TRIM9: variants seen among roughly 807,000 people sequenced by gnomAD.
The protein encoded by TRIM9 is tripartite motif containing 9.
A neutral mutation model predicts 78.3 loss-of-function variants in TRIM9; 26 were observed. That is an observed-to-expected ratio of 0.33 (90% CI 0.24 to 0.46). The LOEUF (loss-of-function observed/expected upper bound fraction) is 0.46. TRIM9 is among the 20% of genes least tolerant of loss of function. TRIM9 has a pLI of 1.00. For synonymous variants in TRIM9, 398 were observed against 416.5 expected (o/e 0.96, Z 0.54); for missense variants, 787 against 1,036.4 (o/e 0.76, Z 3.30).
At chr14:50,986,247 C>A in intron 7 of TRIM9, 103 bp from the exon 8 acceptor site, 1 of 1,032,900 alleles carries the variant, frequency 9.7e-7, no homozygotes, top group East Asian at 3.1e-5. Context: ...TACAAAGCCT[C>A]ATCTTTCCCA....
At chr14:50,979,035 G>A (rs1430738375) in intron 12 of TRIM9, 23 of 1,290,730 alleles carry the variant, frequency 1.8e-5, no homozygotes, top group Non-Finnish European at 2.3e-5. Flanking sequence ...AGGCACTCCT[G>A]AGCTTTGTTA....
intron 1 of TRIM9, among the ~76,000 whole-genome samples, chr14:51,026,177 G>A (rs904116998): frequency 6.6e-6 from 1 of 152,152 alleles, no homozygotes; most frequent in African/African-American, 2.4e-5. Context: ...TGCTGATACG[G>A]AACCACTGTG....
chr14:51,060,118 C>A (rs1158212389), intron 1 of TRIM9, among the ~76,000 whole-genome samples: 1 of 152,192 alleles, frequency 6.6e-6, no homozygotes, highest in Non-Finnish European at 1.5e-5. Flanking sequence ...GGCTTTCTAG[C>A]TTTCTGTTGT....
At chr14:51,047,988 T>A (rs538873348) in intron 1 of TRIM9, among the ~76,000 whole-genome samples, 9 of 151,606 alleles carry the variant, frequency 5.9e-5, no homozygotes, top group African/African-American at 2.2e-4. Flanking sequence ...CCTTACCAAA[T>A]CCGTTAAGTG....
In TRIM9 at chr14:51,009,171, G is replaced by A; in HGVS notation, c.1215C>T (p.Leu405=). Residue 405 remains leucine (L), a synonymous_variant, in exon 5 of 13, where the codon CTC becomes CTT. Transcript: ENST00000684578. ...LTEDQWGKGT[L]TPRMTTDFDL... The stretch of plus-strand genomic sequence containing the variant: ...CAAAGTCCGTGGTCATCCTTGGAGT[G>A]AGTGTGCCTTTACCCCACTGATCCT... 3 of 1,614,092 alleles carry A rather than the reference G, an allele frequency of 1.9e-6. No homozygotes were observed. Among genetic ancestry groups the A allele is most frequent in the Non-Finnish European group, 2.5e-6 (3 of 1,179,960 alleles).
At chr14:50,996,018 A>C (rs1399725673) in intron 7 of TRIM9, 1 of 851,316 alleles carries the variant, frequency 1.2e-6, no homozygotes, top group African/African-American at 1.8e-5. Flanking sequence ...ATCTTGTCTC[A>C]CTGAATGTAT....
chr14:51,025,797 AAGGGGT>A (rs776519527), intron 1 of TRIM9, among the ~76,000 whole-genome samples: 284 of 152,286 alleles, frequency 1.9e-3, no homozygotes, highest in Non-Finnish European at 3.1e-3. Flanking sequence ...AGGATGAAGG[AAGGGGT>A]AGGTACTGGT....
chr14:51,057,228 G>T (rs988731135), intron 1 of TRIM9, among the ~76,000 whole-genome samples: 16 of 152,312 alleles, frequency 1.1e-4, no homozygotes, highest in African/African-American at 3.8e-4. Context: ...AGTGGCTATT[G>T]AAGCAAATGA....
intron 1 of TRIM9, among the ~76,000 whole-genome samples, chr14:51,068,773 G>A (rs1356989875): frequency 6.6e-6 from 1 of 152,178 alleles, no homozygotes; most frequent in Non-Finnish European, 1.5e-5. Flanking sequence ...GCAGAACCAA[G>A]GTTTAAACCA....
chr14:51,001,387 GC>G (rs1436314716), intron 5 of TRIM9, among the ~76,000 whole-genome samples: 3 of 151,860 alleles, frequency 2.0e-5, no homozygotes, highest in Non-Finnish European at 4.4e-5. Flanking sequence ...CCGCCACCAC[GC>G]CCGGCTAATT....
rs751044377 is a variant in TRIM9, at chr14:51,094,394, G to A, written c.546C>T (p.Cys182=). Residue 182 remains cysteine, a synonymous_variant, in exon 1 of 13, where the codon TGC becomes TGT. Coordinates refer to ENST00000684578, the MANE Select transcript of TRIM9 (RefSeq NM_001387360.1). The part of the protein sequence containing the change: ...EKAPKEATVM[C]EQCDVFYCDP... ...CGCAGTAGAAGACATCGCACTGTTC[G>A]CACATGACGGTGGCTTCCTTGGGCG... 1.9e-6 allele frequency: 3 copies of A among 1,613,882 alleles called. No individual in the cohort carries two copies. In the South Asian group the frequency reaches 3.3e-5, roughly 18 times the overall value.
intron 1 of TRIM9, among the ~76,000 whole-genome samples, chr14:51,071,914 C>T (rs1016167055): frequency 6.6e-6 from 1 of 152,160 alleles, no homozygotes; most frequent in Non-Finnish European, 1.5e-5. Context: ...TTGCCATGGG[C>T]CCAGAAGAGA....
chr14:51,080,404 G>A (rs2063188097), intron 1 of TRIM9, among the ~76,000 whole-genome samples: 1 of 149,914 alleles, frequency 6.7e-6, no homozygotes, highest in South Asian at 2.1e-4. Flanking sequence ...GTCCCCAGAA[G>A]GGAGAATAGG....
intron 7 of TRIM9, chr14:50,996,846 A>C: frequency 1.0e-6 from 1 of 985,408 alleles, no homozygotes; most frequent in South Asian, 4.7e-5. Context: ...CTTCTCTTGG[A>C]ATAGCATCAC....
chr14:50,983,092 C>T (rs2052190424), intron 9 of TRIM9, 127 bp from the exon 10 acceptor site: 1 of 882,920 alleles, frequency 1.1e-6, no homozygotes, highest in Admixed American at 2.1e-5. Context: ...GCCACATATA[C>T]TAAACAGGTG....
At chr14:51,056,051 C>G (rs2060875287) in intron 1 of TRIM9, among the ~76,000 whole-genome samples, 1 of 152,202 alleles carries the variant, frequency 6.6e-6, no homozygotes, top group African/African-American at 2.4e-5. Context: ...CCTCACTACT[C>G]AATACTTCAC....
At chr14:51,021,256 C>T (rs751696965) in intron 3 of TRIM9, among the ~76,000 whole-genome samples, 8 of 152,168 alleles carry the variant, frequency 5.3e-5, no homozygotes, top group Non-Finnish European at 1.2e-4. Flanking sequence ...GACCACAGTG[C>T]ACATGTGCTA....
chr14:51,023,203 T>G (rs956997482), intron 2 of TRIM9, among the ~76,000 whole-genome samples: 39 of 152,338 alleles, frequency 2.6e-4, no homozygotes, highest in Non-Finnish European at 3.5e-4. Flanking sequence ...TCTCCACAAT[T>G]TGAATTCTAT....
At chr14:51,031,221 C>A (rs1216073225) in intron 1 of TRIM9, among the ~76,000 whole-genome samples, 2 of 151,516 alleles carry the variant, frequency 1.3e-5, no homozygotes, top group Non-Finnish European at 2.9e-5. Context: ...CAAGTTATAG[C>A]CAGGGTCCTC....
Sources: allele counts gnomAD v4.1 joint callset (sites outside exome capture counted in the v4.1 genomes callset), GRCh38; gene constraint gnomAD v4.1.1; transcripts MANE v1.5; gene names NCBI Gene and HGNC (gene_info 2026-07-23, HGNC 2026-07-21).